MEIS1: variants seen among roughly 807,000 people sequenced by gnomAD.
MEIS1 encodes the protein Meis homeobox 1.
MEIS1 carries 5 observed loss-of-function variants against 50.8 expected under a neutral mutation model. The observed-to-expected ratio is 0.10, with a 90% CI of 0.05 to 0.21. MEIS1 has a LOEUF of 0.21. Ranked by LOEUF, MEIS1 falls within the 10% of genes least tolerant of loss-of-function variation. The probability of loss-of-function intolerance (pLI) is 1.00; values close to 1 mark genes in which losing one functional copy is unlikely to be tolerated. For synonymous variants in MEIS1, 176 were observed against 179.3 expected (o/e 0.98, Z 0.15); for missense variants, 318 against 517.3 (o/e 0.61, Z 3.74).
At chr2:66,477,937 A>G (rs1672932863) in intron 7 of MEIS1, among the ~76,000 whole-genome samples, 1 of 152,224 alleles carries the variant, frequency 6.6e-6, no homozygotes. Context: ...AACTCTGGTT[A>G]CGTTGACTTT....
intron 8 of MEIS1, among the ~76,000 whole-genome samples, chr2:66,534,351 T>C (rs1674468250): frequency 6.6e-6 from 1 of 152,070 alleles, no homozygotes; most frequent in South Asian, 2.1e-4. Flanking sequence ...CTGTCCAACA[T>C]GGTGAAACCC....
intron 1 of MEIS1, chr2:66,436,854 ACAAT>A (rs1671809013): frequency 1.0e-6 from 1 of 973,636 alleles, no homozygotes; most frequent in Admixed American, 6.3e-5. Flanking sequence ...CAAAATAATG[ACAAT>A]CAATATGAAA....
intron 7 of MEIS1, among the ~76,000 whole-genome samples, chr2:66,473,397 AATAT>A (rs1553373466): frequency 8.4e-5 from 9 of 107,596 alleles, no homozygotes; most frequent in East Asian, 2.3e-4. Flanking sequence ...AAAAAAAAAA[AATAT>A]ATATATATAT....
intron 7 of MEIS1, 86 bp downstream of exon 7, chr2:66,464,306 C>G (rs764048107): frequency 9.3e-7 from 1 of 1,075,786 alleles, no homozygotes; most frequent in Non-Finnish European, 1.4e-6. Flanking sequence ...ACTAAGTATA[C>G]AGTTTTTCCT....
At chr2:66,562,967 A>T (rs568052722) in intron 9 of MEIS1, among the ~76,000 whole-genome samples, 2 of 152,188 alleles carry the variant, frequency 1.3e-5, no homozygotes, top group Non-Finnish European at 2.9e-5. Context: ...CTTAAAGCAT[A>T]CTAAAAGATT....
intron 2 of MEIS1, among the ~76,000 whole-genome samples, chr2:66,438,584 G>A (rs781016458): frequency 1.3e-5 from 2 of 152,186 alleles, no homozygotes; most frequent in South Asian, 4.1e-4. Flanking sequence ...TGTGCTCAAA[G>A]GCGAAACCTG....
At chr2:66,564,714 G>A (rs986098215) in intron 9 of MEIS1, among the ~76,000 whole-genome samples, 4 of 150,586 alleles carry the variant, frequency 2.7e-5, no homozygotes, top group Non-Finnish European at 5.9e-5. Context: ...GGGTGCAAAA[G>A]TAATTGTTTT....
At chr2:66,561,468 A>G (rs771585722) in intron 9 of MEIS1, among the ~76,000 whole-genome samples, 10 of 146,046 alleles carry the variant, frequency 6.8e-5, no homozygotes, top group Non-Finnish European at 1.6e-4. Flanking sequence ...TATATCAATT[A>G]TCATCTGTGC....
intron 8 of MEIS1, among the ~76,000 whole-genome samples, chr2:66,539,982 T>C (rs1674612890): frequency 6.6e-6 from 1 of 152,210 alleles, no homozygotes; most frequent in East Asian, 1.9e-4. Flanking sequence ...AAAAAGGGAA[T>C]GGAGAAATGA....
intron 6 of MEIS1, among the ~76,000 whole-genome samples, chr2:66,445,882 T>C (rs1463596380): frequency 6.6e-6 from 1 of 152,186 alleles, no homozygotes; most frequent in South Asian, 2.1e-4. Context: ...AAGACACCAG[T>C]AGAAGCTGTA....
intron 8 of MEIS1, among the ~76,000 whole-genome samples, chr2:66,530,207 AAAGG>A (rs1326398920): frequency 2.6e-5 from 4 of 151,866 alleles, no homozygotes; most frequent in Non-Finnish European, 5.9e-5. Context: ...AAAAAAAAAA[AAAGG>A]AAAGAAGAAA....
chr2:66,570,241 C>A (rs988930609), intron 12 of MEIS1: 2 of 152,112 alleles, frequency 1.3e-5, no homozygotes, highest in Non-Finnish European at 2.9e-5. Flanking sequence ...GTCTTATTAC[C>A]TCATCATGGA....
chr2:66,554,794 G>T (rs1220489792), intron 9 of MEIS1, among the ~76,000 whole-genome samples: 2 of 152,098 alleles, frequency 1.3e-5, no homozygotes, highest in Admixed American at 1.3e-4. Context: ...CTTTGATAAG[G>T]AGACAAACAG....
At chr2:66,484,264 GCTGACTAC>G (rs1418447577) in intron 7 of MEIS1, among the ~76,000 whole-genome samples, 1 of 152,136 alleles carries the variant, frequency 6.6e-6, no homozygotes, top group African/African-American at 2.4e-5. Flanking sequence ...ACTCGAAGGT[GCTGACTAC>G]CCGCTCACCC....
At position 66,571,552 on chromosome 2, in the gene MEIS1, G is replaced by A. The variant is rs1212049570; in HGVS notation, c.*344G>A. The A allele has an allele frequency of 6.4e-7, 1 of 1,552,220 alleles. No homozygotes were observed. The highest frequency in any genetic ancestry group is 1.2e-5 in the South Asian group (1 of 84,068). ...TAGCTTAAGGGAATATGCATTGTCT[G>A]CAATGGTGACTGATTTCAAATCATG... On this transcript the variant is annotated 3_prime_UTR_variant, in exon 13 of 13. Transcript: ENST00000272369.
chr2:66,507,107 A>G (rs1673701981), intron 7 of MEIS1, among the ~76,000 whole-genome samples: 1 of 152,164 alleles, frequency 6.6e-6, no homozygotes, highest in South Asian at 2.1e-4. Context: ...ACAATATCCT[A>G]TTTGCATGAA....
intron 7 of MEIS1, among the ~76,000 whole-genome samples, chr2:66,471,664 G>A (rs10203407): frequency 0.16 from 24,111 of 152,192 alleles, 4,577 homozygotes; most frequent in African/African-American, 0.45. Flanking sequence ...TGTTGTGTCA[G>A]TTCATCATTT....
At chr2:66,549,736 G>A (rs535128425) in intron 9 of MEIS1, among the ~76,000 whole-genome samples, 4 of 152,186 alleles carry the variant, frequency 2.6e-5, no homozygotes, top group East Asian at 1.9e-4. Flanking sequence ...GTTAAGAAAC[G>A]AAAAGCGCTG....
chr2:66,567,584 C>T (rs974753533), intron 10 of MEIS1, 73 bp downstream of exon 10: 30 of 1,399,378 alleles, frequency 2.1e-5, no homozygotes, highest in Non-Finnish European at 2.6e-5. Context: ...CCGGGAGGTC[C>T]GCTACCTGGT....
Sources: allele counts gnomAD v4.1 joint callset (sites outside exome capture counted in the v4.1 genomes callset), GRCh38; gene constraint gnomAD v4.1.1; transcripts MANE v1.5; gene names NCBI Gene and HGNC (gene_info 2026-07-23, HGNC 2026-07-21).